AGBL4: variants seen among roughly 807,000 people sequenced by gnomAD.
The protein encoded by AGBL4 is AGBL carboxypeptidase 4, also known as cytosolic carboxypeptidase 6.
A neutral mutation model predicts 66.4 loss-of-function variants in AGBL4; 58 were observed. The ratio of observed to expected loss-of-function variants is 0.87; its 90% CI spans 0.71 to 1.09. The LOEUF (loss-of-function observed/expected upper bound fraction) is 1.09. Among genes scored for constraint, AGBL4 ranks in the 50% least tolerant of loss-of-function variants. The pLI is 0.00. For missense variants in AGBL4, 579 were observed against 631.0 expected, an observed-to-expected ratio of 0.92 and a Z score of 0.88; for synonymous variants, 234 against 222.9, an observed-to-expected ratio of 1.05 and a Z score of -0.44.
intron 4 of AGBL4, among the ~76,000 whole-genome samples, chr1:49,226,378 G>T (rs1649909583): frequency 6.6e-6 from 1 of 152,162 alleles, no homozygotes; most frequent in Admixed American, 6.5e-5. Flanking sequence ...AAGCAATATT[G>T]AATATTTAAT....
intron 3 of AGBL4, among the ~76,000 whole-genome samples, chr1:49,484,752 T>C (rs1386722838): frequency 3.3e-5 from 5 of 151,930 alleles, no homozygotes; most frequent in South Asian, 2.1e-4. Flanking sequence ...AAGAGTATAA[T>C]GGGATAGTTA....
intron 9 of AGBL4, among the ~76,000 whole-genome samples, chr1:48,627,409 GTGTGTGTGTATC>G (rs1292786770): frequency 6.6e-6 from 1 of 152,042 alleles, no homozygotes; most frequent in Non-Finnish European, 1.5e-5. Context: ...TTGCGTGCTT[GTGTGTGTGTATC>G]TGTGTGTGTA....
At chr1:48,552,334 T>A (rs1279341884) in intron 11 of AGBL4, among the ~76,000 whole-genome samples, 1 of 152,198 alleles carries the variant, frequency 6.6e-6, no homozygotes, top group African/African-American at 2.4e-5. Flanking sequence ...AGTGCTAGGA[T>A]TACAGGCATG....
intron 4 of AGBL4, among the ~76,000 whole-genome samples, chr1:49,052,862 C>T (rs1644244844): frequency 6.6e-6 from 1 of 152,136 alleles, no homozygotes; most frequent in Non-Finnish European, 1.5e-5. Flanking sequence ...GGGCTACGTG[C>T]AATTCTAGCT....
At chr1:48,721,939 GT>G (rs1205191813) in intron 6 of AGBL4, among the ~76,000 whole-genome samples, 1 of 152,168 alleles carries the variant, frequency 6.6e-6, no homozygotes, top group Admixed American at 6.5e-5. Context: ...GAATACAGCA[GT>G]GAACAAAACA....
At chr1:49,739,676 G>A (rs1650251655) in intron 2 of AGBL4, among the ~76,000 whole-genome samples, 2 of 152,188 alleles carry the variant, frequency 1.3e-5, no homozygotes, top group Admixed American at 1.3e-4. Context: ...CCCACATAGG[G>A]AAGCCCATCA....
rs1285366091 is a variant in AGBL4, at chr1:48,891,766, T to G, written c.595-24536A>C. On this transcript the variant is annotated intron_variant, in intron 5 of 13. Transcript: ENST00000371839. ...ACTTCACTCTACTCCCAGCTGAGTA[T>G]GAGGATTTCCCTGCCCATGGAGCTC... 2.0e-5 allele frequency among the ~76,000 whole-genome samples: 3 copies of G among 152,152 alleles called. No individual in the cohort carries two copies. In the East Asian group the frequency reaches 5.8e-4, roughly 29 times the overall value.
chr1:49,844,432 C>T (rs1646084410), intron 2 of AGBL4, among the ~76,000 whole-genome samples: 1 of 151,876 alleles, frequency 6.6e-6, no homozygotes, highest in Non-Finnish European at 1.5e-5. Flanking sequence ...AACTGTTTTT[C>T]CCTTCCTCTC....
At chr1:48,655,195 CTAGGGTGGG>C (rs1363820675) in intron 7 of AGBL4, among the ~76,000 whole-genome samples, 1 of 152,208 alleles carries the variant, frequency 6.6e-6, no homozygotes, top group African/African-American at 2.4e-5. Context: ...GCTCCCTCTC[CTAGGGTGGG>C]TGTGGGGCAA....
At chr1:49,295,915 T>C (rs1557815715) in intron 3 of AGBL4, among the ~76,000 whole-genome samples, 1 of 152,182 alleles carries the variant, frequency 6.6e-6, no homozygotes, top group African/African-American at 2.4e-5. Context: ...GGAGTCATAG[T>C]AGTGACTCTA....
At chr1:49,708,380 C>T (rs1375315679) in intron 2 of AGBL4, among the ~76,000 whole-genome samples, 6 of 152,020 alleles carry the variant, frequency 3.9e-5, no homozygotes, top group Non-Finnish European at 8.8e-5. Flanking sequence ...ACACAGTTCT[C>T]GTCCTGTGTT....
intron 5 of AGBL4, among the ~76,000 whole-genome samples, chr1:48,935,783 C>T (rs759048161): frequency 1.5e-4 from 22 of 150,140 alleles, no homozygotes; most frequent in Admixed American, 7.3e-4. Context: ...CATGGTGAAA[C>T]GCCATCTCTA....
intron 5 of AGBL4, among the ~76,000 whole-genome samples, chr1:48,992,546 G>C (rs1394816322): frequency 6.6e-6 from 1 of 152,074 alleles, no homozygotes; most frequent in East Asian, 1.9e-4. Context: ...AGGCCAGCCA[G>C]GCCTGTGTCC....
chr1:49,237,406 G>T (rs575187603), intron 4 of AGBL4, among the ~76,000 whole-genome samples: 1 of 151,504 alleles, frequency 6.6e-6, no homozygotes, highest in South Asian at 2.1e-4. Flanking sequence ...ACATAGAATT[G>T]TAAGTCCACT....
At chr1:48,699,426 T>C (rs190909510) in intron 6 of AGBL4, among the ~76,000 whole-genome samples, 289 of 152,362 alleles carry the variant, frequency 1.9e-3, no homozygotes, top group Non-Finnish European at 3.2e-3. Context: ...CTGTACAAGA[T>C]ACTGTTTGCT....
At chr1:49,968,293 T>C (rs1317959300) in intron 1 of AGBL4, among the ~76,000 whole-genome samples, 1 of 152,026 alleles carries the variant, frequency 6.6e-6, no homozygotes, top group Non-Finnish European at 1.5e-5. Flanking sequence ...TTTAAAGCAT[T>C]GGACATAAAA....
intron 5 of AGBL4, among the ~76,000 whole-genome samples, chr1:48,911,766 T>C (rs777260829): frequency 1.3e-5 from 2 of 152,170 alleles, no homozygotes; most frequent in Non-Finnish European, 2.9e-5. Context: ...ATTATTATAG[T>C]TCATATTATT....
chr1:49,936,039 A>G (rs1008909978), intron 1 of AGBL4, among the ~76,000 whole-genome samples: 41 of 152,298 alleles, frequency 2.7e-4, no homozygotes, highest in Non-Finnish European at 4.9e-4. Flanking sequence ...AAACTACTCC[A>G]AGCTACAGGA....
intron 6 of AGBL4, among the ~76,000 whole-genome samples, chr1:48,726,093 T>G (rs1404931991): frequency 2.0e-5 from 3 of 152,210 alleles, no homozygotes; most frequent in Non-Finnish European, 4.4e-5. Context: ...GAATCCAGGA[T>G]TTAAACCCAG....
Sources: allele counts gnomAD v4.1 joint callset (sites outside exome capture counted in the v4.1 genomes callset), GRCh38; gene constraint gnomAD v4.1.1; transcripts MANE v1.5; gene names NCBI Gene and HGNC (gene_info 2026-07-23, HGNC 2026-07-21).